The following SPAG16 variants were observed in gnomAD, a reference collection of about 807,000 sequenced individuals.
SPAG16 encodes the protein sperm associated antigen 16.
Under a neutral mutation model 80.4 loss-of-function variants are expected in SPAG16, and 86 were observed. The ratio of observed to expected loss-of-function variants is 1.07; its 90% confidence interval spans 0.90 to 1.28. The LOEUF (loss-of-function observed/expected upper bound fraction) is 1.28. Among genes scored for constraint, SPAG16 ranks in the 50% most tolerant of loss-of-function variants. SPAG16 has a pLI of 0.00. For missense variants in SPAG16, 870 were observed against 765.3 expected, an observed-to-expected ratio of 1.14 and a Z score of -1.61; for synonymous variants, 294 against 265.9, an observed-to-expected ratio of 1.11 and a Z score of -1.03.
chr2:214,170,397 T>A (rs1169072511), intron 15 of SPAG16, among the ~76,000 whole-genome samples: 14 of 152,032 alleles, frequency 9.2e-5, no homozygotes, highest in Non-Finnish European at 1.8e-4. Context: ...CATCTACTGA[T>A]TAGCTTGCTC....
chr2:213,864,050 G>A (rs1302613661), intron 11 of SPAG16, among the ~76,000 whole-genome samples: 1 of 151,748 alleles, frequency 6.6e-6, no homozygotes, highest in African/African-American at 2.4e-5. Context: ...TGTTCTTTTT[G>A]TAGAATTAAT....
intron 12 of SPAG16, among the ~76,000 whole-genome samples, chr2:213,962,093 C>G (rs977885285): frequency 9.9e-5 from 15 of 152,114 alleles, no homozygotes; most frequent in African/African-American, 3.4e-4. Context: ...TGTTGAAGCC[C>G]TAAGCCCCAA....
At chr2:213,652,795 C>G (rs1014314139) in intron 10 of SPAG16, among the ~76,000 whole-genome samples, 1 of 152,086 alleles carries the variant, frequency 6.6e-6, no homozygotes, top group Non-Finnish European at 1.5e-5. Flanking sequence ...AATACACACT[C>G]TCAATCTATA....
intron 10 of SPAG16, among the ~76,000 whole-genome samples, chr2:213,667,106 A>C (rs16850652): frequency 0.05 from 7,574 of 152,270 alleles, 606 homozygotes; most frequent in African/African-American, 0.17. Flanking sequence ...TGAGCATCTA[A>C]TTTAGATTTC....
At chr2:213,307,172 A>C (rs1042794513) in intron 3 of SPAG16, among the ~76,000 whole-genome samples, 2 of 152,130 alleles carry the variant, frequency 1.3e-5, no homozygotes, top group African/African-American at 4.8e-5. Context: ...AGTAATAAAC[A>C]TCAGTGTTGA....
intron 11 of SPAG16, among the ~76,000 whole-genome samples, chr2:213,873,596 T>A (rs537038337): frequency 5.9e-4 from 90 of 152,114 alleles, no homozygotes; most frequent in African/African-American, 2.1e-3. Flanking sequence ...ATTTGAGATA[T>A]TTGTTCTTTT....
intron 12 of SPAG16, among the ~76,000 whole-genome samples, chr2:214,002,572 C>T (rs1372634918): frequency 2.6e-5 from 4 of 152,068 alleles, no homozygotes; most frequent in African/African-American, 7.2e-5. Context: ...GGAAGTCCCA[C>T]GATGTGCTGT....
intron 15 of SPAG16, among the ~76,000 whole-genome samples, chr2:214,246,328 T>C (rs1195816574): frequency 2.0e-5 from 3 of 152,154 alleles, no homozygotes; most frequent in Non-Finnish European, 4.4e-5. Flanking sequence ...TCCAACATTC[T>C]CTTCCACAAT....
At chr2:213,294,385 T>C (rs1263445873) in intron 1 of SPAG16, among the ~76,000 whole-genome samples, 1 of 152,182 alleles carries the variant, frequency 6.6e-6, no homozygotes, top group Non-Finnish European at 1.5e-5. Context: ...TGGCAAGGAA[T>C]TAGAGAGTGA....
chr2:213,401,985 A>T (rs2068334042), intron 9 of SPAG16, among the ~76,000 whole-genome samples: 1 of 152,092 alleles, frequency 6.6e-6, no homozygotes, highest in Non-Finnish European at 1.5e-5. Context: ...CTATTTACAT[A>T]TATTTTTGTC....
At chr2:213,982,732 A>G (rs1302459700) in intron 12 of SPAG16, among the ~76,000 whole-genome samples, 1 of 150,966 alleles carries the variant, frequency 6.6e-6, no homozygotes, top group Admixed American at 6.6e-5. Context: ...ACTTGACAAC[A>G]TAAGAGTAAA....
At chr2:214,099,923 T>C (rs1015124643) in intron 13 of SPAG16, among the ~76,000 whole-genome samples, 1 of 152,110 alleles carries the variant, frequency 6.6e-6, no homozygotes, top group African/African-American at 2.4e-5. Flanking sequence ...CTAAGATTTA[T>C]GCATTTTAGT....
intron 10 of SPAG16, among the ~76,000 whole-genome samples, chr2:213,766,297 A>T (rs2068934875): frequency 1.3e-5 from 2 of 152,224 alleles, no homozygotes; most frequent in Non-Finnish European, 2.9e-5. Context: ...GGTGACAACA[A>T]TGTTCTGGAG....
intron 10 of SPAG16, among the ~76,000 whole-genome samples, chr2:213,622,251 C>G (rs765010130): frequency 6.6e-6 from 1 of 152,144 alleles, no homozygotes; most frequent in Non-Finnish European, 1.5e-5. Flanking sequence ...TTTGTTTTAT[C>G]TGAGTTCCTT....
chr2:213,858,496 A>G (rs554749760), intron 10 of SPAG16, among the ~76,000 whole-genome samples: 1 of 152,230 alleles, frequency 6.6e-6, no homozygotes, highest in Non-Finnish European at 1.5e-5. Context: ...TTATATACTT[A>G]ATATACTATA....
Position 213,873,741 on chromosome 2 carries a change from C to T in SPAG16, c.1214+11113C>T, listed in dbSNP as rs113988703. ...TTTCCCTTATAATTTCTTTTTTGGC[C>T]GATTGGCTATTTTAAAGTGTGCTGT... On this transcript the variant is annotated intron_variant, in intron 11 of 15. Coordinates refer to ENST00000331683, the MANE Select transcript of SPAG16 (RefSeq NM_024532.5). 2.0e-4 allele frequency among the ~76,000 whole-genome samples: 31 copies of T among 151,706 alleles called. 1 individual carries two copies. The highest frequency in any genetic ancestry group is 2.9e-4 in the Non-Finnish European group (20 of 67,894).
intron 15 of SPAG16, among the ~76,000 whole-genome samples, chr2:214,189,868 A>G (rs1264888134): frequency 6.6e-6 from 1 of 152,118 alleles, no homozygotes; most frequent in Non-Finnish European, 1.5e-5. Context: ...ATTTTGCATC[A>G]TCAAAATTAT....
At chr2:214,070,388 T>C (rs2050733057) in intron 13 of SPAG16, among the ~76,000 whole-genome samples, 1 of 152,064 alleles carries the variant, frequency 6.6e-6, no homozygotes, top group Non-Finnish European at 1.5e-5. Flanking sequence ...ATGGAGTAGA[T>C]CTTTATTGTT....
At chr2:213,527,461 T>C (rs1293793033) in intron 10 of SPAG16, among the ~76,000 whole-genome samples, 1 of 152,190 alleles carries the variant, frequency 6.6e-6, no homozygotes, top group Non-Finnish European at 1.5e-5. Flanking sequence ...TTAGCTGAGA[T>C]TTAAGGAGAG....
Sources: allele counts gnomAD v4.1 joint callset (sites outside exome capture counted in the v4.1 genomes callset), GRCh38; gene constraint gnomAD v4.1.1; transcripts MANE v1.5; gene names NCBI Gene and HGNC (gene_info 2026-07-23, HGNC 2026-07-21).